The following CRYBG1 variants were observed in gnomAD, a reference collection of about 807,000 sequenced individuals.
CRYBG1 encodes the protein crystallin beta-gamma domain containing 1.
In CRYBG1, 139 loss-of-function variants were observed where a neutral mutation model predicts 189.2. The observed-to-expected ratio is 0.73, with a 90% CI of 0.64 to 0.85. The LOEUF (loss-of-function observed/expected upper bound fraction) is 0.85. Ranked by LOEUF, CRYBG1 falls within the 40% of genes least tolerant of loss-of-function variation. The pLI, the probability that CRYBG1 is intolerant of heterozygous loss-of-function variation, is 0.00. For missense variants in CRYBG1, 2,611 were observed against 2,675.8 expected, an observed-to-expected ratio of 0.98 and a Z score of 0.53; for synonymous variants, 1,023 against 1,017.1, an observed-to-expected ratio of 1.01 and a Z score of -0.11.
Position 106,421,342 on chromosome 6 carries a change from G to T in CRYBG1, c.174-30352G>T, listed in dbSNP as rs547885943. On this transcript the variant is annotated intron_variant, in intron 1 of 21. Coordinates refer to ENST00000633556, the MANE Select transcript of CRYBG1 (RefSeq NM_001371242.2). ...TAGAAGAGTGGAAAGCAGTTCCAAG[G>T]TTTCAAGTCTGGGTGATGCATTACC... 2.0e-5 allele frequency among the ~76,000 whole-genome samples: 3 copies of T among 152,184 alleles called. No homozygotes were observed. In the South Asian group the frequency reaches 6.2e-4, roughly 31 times the overall value.
At chr6:106,544,047 T>A (rs1038707788) in intron 11 of CRYBG1, among the ~76,000 whole-genome samples, 18 of 152,204 alleles carry the variant, frequency 1.2e-4, no homozygotes, top group Admixed American at 1.3e-4. Flanking sequence ...AGCGAAACTC[T>A]GTCAAGGAAG....
chr6:106,523,014 T>C (rs906178110), intron 4 of CRYBG1, among the ~76,000 whole-genome samples: 2 of 152,186 alleles, frequency 1.3e-5, no homozygotes, highest in African/African-American at 4.8e-5. Context: ...AAATAATTGC[T>C]GAGAAAATTG....
rs772809341 is a variant in CRYBG1 at position 106,512,641 on chromosome 6, G to A, written c.1524G>A (p.Pro508=). 1 of 1,589,318 alleles carries A rather than the reference G, an allele frequency of 6.3e-7. No homozygotes were observed. Among genetic ancestry groups the A allele is most frequent in the South Asian group, 1.1e-5 (1 of 87,988 alleles). ...CGGACCGGAGCAAACAGCCACCCCCGGCTTCGTCCCCCACGAAGAGGAAGG... is the reference window on the plus strand; with the variant it reads ...CGGACCGGAGCAAACAGCCACCCCCAGCTTCGTCCCCCACGAAGAGGAAGG... ...GESDRSKQPP[P]ASSPTKRKGR... is the part of the protein sequence containing the mutation. Residue 508 remains proline (P), a synonymous_variant, in exon 3 of 22, where the codon CCG becomes CCA. Coordinates refer to ENST00000633556, the MANE Select transcript of CRYBG1 (RefSeq NM_001371242.2).
chr6:106,546,364 T>C (rs1297054189), intron 13 of CRYBG1, among the ~76,000 whole-genome samples: 1 of 152,252 alleles, frequency 6.6e-6, no homozygotes, highest in Non-Finnish European at 1.5e-5. Flanking sequence ...TTGGTTATGC[T>C]GAAAGTGTTT....
At chr6:106,541,461 A>G (rs1774128651) in intron 9 of CRYBG1, 125 bp from the exon 10 acceptor site, 2 of 929,860 alleles carry the variant, frequency 2.2e-6, no homozygotes, top group East Asian at 4.8e-5. Flanking sequence ...TATCTCACGT[A>G]AGTTAAAACA....
intron 1 of CRYBG1, among the ~76,000 whole-genome samples, chr6:106,410,487 C>T (rs1012839403): frequency 1.3e-5 from 2 of 152,102 alleles, no homozygotes; most frequent in African/African-American, 2.4e-5. Context: ...GGATCTTGAA[C>T]CAGAAATACC....
chr6:106,523,204 C>T (rs1773650548), intron 4 of CRYBG1, among the ~76,000 whole-genome samples: 1 of 152,202 alleles, frequency 6.6e-6, no homozygotes, highest in Admixed American at 6.5e-5. Flanking sequence ...TCTTGGAGAC[C>T]CCCGCAGTGG....
chr6:106,386,462 T>A (rs1307946061), intron 1 of CRYBG1, among the ~76,000 whole-genome samples: 46 of 152,220 alleles, frequency 3.0e-4, no homozygotes, highest in Admixed American at 3.0e-3. Flanking sequence ...AGTTGCAGCT[T>A]AATTGTCACT....
chr6:106,410,695 G>C (rs372530316), intron 1 of CRYBG1, among the ~76,000 whole-genome samples: 1 of 151,784 alleles, frequency 6.6e-6, no homozygotes, highest in Non-Finnish European at 1.5e-5. Context: ...AGCAGGATGG[G>C]TTCATGTTTT....
At chr6:106,471,279 G>C (rs1192983329) in intron 2 of CRYBG1, among the ~76,000 whole-genome samples, 1 of 152,090 alleles carries the variant, frequency 6.6e-6, no homozygotes, top group Non-Finnish European at 1.5e-5. Context: ...GGATGCTCCT[G>C]GTAAATCTCA....
intron 1 of CRYBG1, among the ~76,000 whole-genome samples, chr6:106,381,893 G>A (rs1770297014): frequency 6.6e-6 from 1 of 152,230 alleles, no homozygotes; most frequent in Non-Finnish European, 1.5e-5. Flanking sequence ...CATGGACAAT[G>A]TCTGACATAA....
intron 1 of CRYBG1, among the ~76,000 whole-genome samples, chr6:106,385,229 C>T (rs990504607): frequency 3.3e-5 from 5 of 152,270 alleles, no homozygotes; most frequent in African/African-American, 4.8e-5. Context: ...ATAAGAGAAA[C>T]GTGTGTGCTC....
At position 106,520,835 on chromosome 6, in the gene CRYBG1, G is replaced by T; in HGVS notation, c.3627G>T (p.Gly1209=). 1.2e-6 allele frequency: 2 copies of T among 1,614,130 alleles called. No homozygotes were observed. The highest frequency in any genetic ancestry group is 1.7e-6 in the Non-Finnish European group (2 of 1,180,022). The change falls in exon 4 of 22, where the codon GGG becomes GGT. Residue 1209 remains glycine (G), a synonymous_variant. Transcript: ENST00000633556. ...LFKSLHTNTN[G]NSEPLVMPEI... is the part of the protein sequence containing the mutation. ...AGTCCCTGCACACCAACACTAATGG[G>T]AACAGTGAGCCTCTGGTGATGCCGG...
At chr6:106,518,632 G>A (rs375168718) in intron 3 of CRYBG1, among the ~76,000 whole-genome samples, 3 of 152,164 alleles carry the variant, frequency 2.0e-5, no homozygotes, top group Admixed American at 6.5e-5. Context: ...AGTTGGTAGT[G>A]TACTTAGGAC....
chr6:106,484,973 A>G (rs1772566353), intron 2 of CRYBG1, among the ~76,000 whole-genome samples: 1 of 152,178 alleles, frequency 6.6e-6, no homozygotes, highest in Admixed American at 6.5e-5. Context: ...CCTGGGCAAA[A>G]GAGCAAGACC....
At chr6:106,399,525 G>C (rs146681706) in intron 1 of CRYBG1, among the ~76,000 whole-genome samples, 1 of 152,228 alleles carries the variant, frequency 6.6e-6, no homozygotes, top group African/African-American at 2.4e-5. Flanking sequence ...ACATAGGTAT[G>C]TTAAAAACGT....
At chr6:106,383,726 C>G (rs1250068208) in intron 1 of CRYBG1, among the ~76,000 whole-genome samples, 1 of 152,056 alleles carries the variant, frequency 6.6e-6, no homozygotes, top group Non-Finnish European at 1.5e-5. Flanking sequence ...CTGATCAGTT[C>G]TTTATTTCCA....
intron 8 of CRYBG1, among the ~76,000 whole-genome samples, chr6:106,530,824 A>G (rs189758640): frequency 6.6e-6 from 1 of 152,364 alleles, no homozygotes; most frequent in African/African-American, 2.4e-5. Context: ...AAATGAGGAT[A>G]GAAAGTATAG....
chr6:106,520,331 G>A lies in CRYBG1; in HGVS notation c.3123G>A (p.Gln1041=), dbSNP rs756444706. The change falls in exon 4 of 22, where the codon CAG becomes CAA. Residue 1041 remains glutamine (Q), a synonymous_variant. Transcript: ENST00000633556. ...CATCAGAGAAAACTCTGCCTATTCA[G>A]GCTCAAAGTCAGGGCAGCAGAACAC... The part of the protein sequence containing the change: ...PPASEKTLPI[Q]AQSQGSRTPL... 4 of 1,614,076 alleles carry A rather than the reference G, an allele frequency of 2.5e-6. No homozygotes were observed. The highest frequency in any genetic ancestry group is 2.2e-5 in the South Asian group (2 of 91,078).
Sources: gnomAD v4.1 joint callset for allele counts (sites outside exome capture counted in the v4.1 genomes callset) on GRCh38, gnomAD v4.1.1 for gene constraint, MANE v1.5 for transcripts, NCBI Gene and HGNC (gene_info 2026-07-23, HGNC 2026-07-21) for gene names.